The following RFFL variants were observed in gnomAD, a reference collection of about 807,000 sequenced individuals.
RFFL encodes the protein E3 ubiquitin-protein ligase rififylin.
In RFFL, 16 loss-of-function variants were observed where a neutral mutation model predicts 40.4. The ratio of observed to expected loss-of-function variants is 0.40; its 90% CI spans 0.27 to 0.60. RFFL has a LOEUF of 0.60. Ranked by LOEUF, RFFL falls within the 20% of genes least tolerant of loss-of-function variation. RFFL has a pLI of 0.47. For synonymous variants in RFFL, 154 were observed against 167.9 expected, an observed-to-expected ratio of 0.92 and a Z score of 0.64; for missense variants, 367 against 451.7, an observed-to-expected ratio of 0.81 and a Z score of 1.70.
At chr17:35,039,260 G>A (rs755327100) in intron 1 of RFFL, among the ~76,000 whole-genome samples, 24 of 149,800 alleles carry the variant, frequency 1.6e-4, no homozygotes, top group Non-Finnish European at 3.1e-4. Context: ...TCGCTCTGTC[G>A]CCAGGCTGGA....
At chr17:35,028,030 T>C (rs1449126941) in intron 1 of RFFL, among the ~76,000 whole-genome samples, 1 of 132,694 alleles carries the variant, frequency 7.5e-6, no homozygotes, top group Non-Finnish European at 1.6e-5. Context: ...CAAAACTCCA[T>C]CTCAAAAAAA....
chr17:35,062,375 C>T (rs144459740), intron 1 of RFFL, among the ~76,000 whole-genome samples: 1,759 of 152,048 alleles, frequency 0.012, 35 homozygotes, highest in African/African-American at 0.039. Context: ...TGCACTGCAG[C>T]CTGGGTGACA....
intron 1 of RFFL, among the ~76,000 whole-genome samples, chr17:35,032,094 CAAAAAA>C (rs11308568): frequency 2.4e-5 from 2 of 82,168 alleles, no homozygotes; most frequent in East Asian, 3.9e-4. Flanking sequence ...GACTCCGTCT[CAAAAAA>C]AAAAAAAAAA....
intron 1 of RFFL, among the ~76,000 whole-genome samples, chr17:35,043,603 G>A (rs961085857): frequency 2.0e-5 from 3 of 152,176 alleles, no homozygotes; most frequent in Non-Finnish European, 4.4e-5. Flanking sequence ...CTTTAGACAT[G>A]ACATAATCTT....
intron 1 of RFFL, among the ~76,000 whole-genome samples, chr17:35,045,041 A>T (rs1312249005): frequency 6.8e-6 from 1 of 147,290 alleles, no homozygotes. Context: ...CTGGCCTCAT[A>T]GAATCTTATA....
chr17:35,073,149 T>C (rs2091359628), intron 1 of RFFL, among the ~76,000 whole-genome samples: 1 of 152,188 alleles, frequency 6.6e-6, no homozygotes, highest in Non-Finnish European at 1.5e-5. Flanking sequence ...TATTTTGCAG[T>C]CTCTACTATG....
upstream of RFFL, among the ~76,000 whole-genome samples, chr17:35,064,025 G>A (rs1280038347): frequency 6.6e-6 from 1 of 152,226 alleles, no homozygotes; most frequent in South Asian, 2.1e-4. Flanking sequence ...GCTGGGGCCA[G>A]CAAGATTACT....
At position 35,011,687 on chromosome 17, in the gene RFFL, A is replaced by G. The variant is rs951172874; in HGVS notation, c.*281T>C. The stretch of plus-strand genomic sequence containing the variant: ...GGAAGACAGGACCCAAGTTCTGGAA[A>G]GTTCTCTGTTCATCAGTTACCATCA... On this transcript the variant is annotated 3_prime_UTR_variant, in exon 7 of 7. Coordinates refer to ENST00000394597, the MANE Select transcript of RFFL (RefSeq NM_001017368.2). 1.8e-4 allele frequency: 65 copies of G among 363,592 alleles called. No individual in the cohort carries two copies. The highest frequency in any genetic ancestry group is 2.8e-4 in the Non-Finnish European group (55 of 196,626). The allele number at this position is 363,592 out of a possible 1,614,324, so 22.5% of individuals were successfully genotyped here. A position where few individuals can be genotyped will look rare whatever the true frequency, so the allele number is the denominator to read the frequency against.
At chr17:35,034,408 AG>A (rs2091106518) in intron 1 of RFFL, among the ~76,000 whole-genome samples, 1 of 152,162 alleles carries the variant, frequency 6.6e-6, no homozygotes, top group South Asian at 2.1e-4. Flanking sequence ...GTTCCACACA[AG>A]GAATCTACAG....
At chr17:35,036,618 C>CTA (rs1357095189) in intron 1 of RFFL, 1 of 152,174 alleles carries the variant, frequency 6.6e-6, no homozygotes, top group East Asian at 1.9e-4. Context: ...GAATGGCTAG[C>CTA]TAGCATGTAG....
chr17:35,038,402 C>T (rs1597824618), intron 1 of RFFL, among the ~76,000 whole-genome samples: 1 of 151,988 alleles, frequency 6.6e-6, no homozygotes, highest in East Asian at 1.9e-4. Flanking sequence ...CGTGCATATA[C>T]ACGCGCACCC....
chr17:35,045,052 C>T (rs1272728492), intron 1 of RFFL, among the ~76,000 whole-genome samples: 2 of 148,780 alleles, frequency 1.3e-5, no homozygotes, highest in African/African-American at 2.5e-5. Context: ...GAATCTTATA[C>T]ACTTCCTTAT....
intron 1 of RFFL, chr17:35,076,708 A>ATAATAG: frequency 6.9e-6 from 1 of 144,090 alleles, no homozygotes; most frequent in African/African-American, 2.6e-5. Flanking sequence ...AATAATAATA[A>ATAATAG]TAATAATAAT....
chr17:35,037,981 G>A (rs1428789367), intron 1 of RFFL, among the ~76,000 whole-genome samples: 1 of 152,092 alleles, frequency 6.6e-6, no homozygotes, highest in African/African-American at 2.4e-5. Context: ...AGCAAATGTT[G>A]ATAAGGATAA....
chr17:35,066,839 A>T (rs1407995982), upstream of RFFL, among the ~76,000 whole-genome samples: 1 of 151,588 alleles, frequency 6.6e-6, no homozygotes, highest in Non-Finnish European at 1.5e-5. Flanking sequence ...TGATTGCCAA[A>T]TTCTAATCTT....
intron 1 of RFFL, among the ~76,000 whole-genome samples, chr17:35,027,514 C>T (rs1407597514): frequency 6.6e-6 from 1 of 152,032 alleles, no homozygotes; most frequent in African/African-American, 2.4e-5. Flanking sequence ...CACCGGAGGT[C>T]GGGAGTTCGA....
chr17:35,050,714 G>A (rs1224145912), intron 1 of RFFL, among the ~76,000 whole-genome samples: 1 of 151,900 alleles, frequency 6.6e-6, no homozygotes, highest in Non-Finnish European at 1.5e-5. Context: ...AGGCACAATG[G>A]CACATGCCAG....
intron 3 of RFFL, among the ~76,000 whole-genome samples, chr17:35,019,907 T>C (rs2090998116): frequency 6.6e-6 from 1 of 152,226 alleles, no homozygotes; most frequent in South Asian, 2.1e-4. Flanking sequence ...GCTATCACAT[T>C]GGCCTTTATG....
At chr17:35,021,973 C>T (rs2091011978) in intron 2 of RFFL, among the ~76,000 whole-genome samples, 192 bp from the exon 3 acceptor site, 1 of 152,308 alleles carries the variant, frequency 6.6e-6, no homozygotes, top group Admixed American at 6.5e-5. Context: ...GGGTGGAAGA[C>T]CTCCACTATG....
Sources: gnomAD v4.1 joint callset for allele counts (sites outside exome capture counted in the v4.1 genomes callset) on GRCh38, gnomAD v4.1.1 for gene constraint, MANE v1.5 for transcripts, NCBI Gene and HGNC (gene_info 2026-07-23, HGNC 2026-07-21) for gene names.